SDK1: variants seen among roughly 807,000 people sequenced by gnomAD.
SDK1 encodes the protein protein sidekick-1.
Under a neutral mutation model 245.5 loss-of-function variants are expected in SDK1, and 157 were observed. That is an observed-to-expected ratio of 0.64 (90% CI 0.56 to 0.73). The LOEUF is 0.73. SDK1 is among the 30% of genes least tolerant of loss of function. The probability of loss-of-function intolerance (pLI) is 0.00; values close to 1 mark genes in which losing one functional copy is unlikely to be tolerated. For missense variants in SDK1, 3,583 were observed against 3,002.3 expected (o/e 1.19, Z -4.52); for synonymous variants, 1,647 against 1,278.5 (o/e 1.29, Z -6.15).
intron 1 of SDK1, among the ~76,000 whole-genome samples, chr7:3,525,395 G>A (rs1288518467): frequency 2.0e-5 from 3 of 152,072 alleles, no homozygotes; most frequent in Admixed American, 1.3e-4. Context: ...TGCTCCTGGG[G>A]TTGTTTGACT....
intron 20 of SDK1, among the ~76,000 whole-genome samples, chr7:4,074,884 C>CTCTCTCTGTGTG (rs1377225405): frequency 1.6e-5 from 1 of 62,460 alleles, no homozygotes; most frequent in African/African-American, 1.2e-4. Flanking sequence ...CTCTCTCTCT[C>CTCTCTCTGTGTG]TGTATATATA....
intron 1 of SDK1, among the ~76,000 whole-genome samples, chr7:3,541,369 G>C (rs867565921): frequency 4.6e-5 from 7 of 152,308 alleles, no homozygotes; most frequent in Middle Eastern, 3.4e-3. Context: ...AGAGGAGGGC[G>C]TAATCTAAGC....
At chr7:3,517,748 G>A (rs1782798691) in intron 1 of SDK1, among the ~76,000 whole-genome samples, 1 of 152,122 alleles carries the variant, frequency 6.6e-6, no homozygotes, top group African/African-American at 2.4e-5. Context: ...ATTGCCACTA[G>A]TGCTTCCTTT....
At chr7:4,162,995 C>G (rs1002192350) in intron 32 of SDK1, among the ~76,000 whole-genome samples, 1 of 152,196 alleles carries the variant, frequency 6.6e-6, no homozygotes, top group African/African-American at 2.4e-5. Flanking sequence ...GCCTGTGTAG[C>G]CCGGATCCGG....
intron 1 of SDK1, among the ~76,000 whole-genome samples, chr7:3,500,795 C>G (rs1179960295): frequency 3.3e-5 from 5 of 151,836 alleles, no homozygotes; most frequent in Admixed American, 2.0e-4. Context: ...GCCTCCTATA[C>G]TAGTCCTCTG....
intron 4 of SDK1, among the ~76,000 whole-genome samples, chr7:3,765,993 T>C (rs1275838128): frequency 6.6e-6 from 1 of 152,216 alleles, no homozygotes; most frequent in East Asian, 1.9e-4. Flanking sequence ...AACATTGTAA[T>C]ACAAAGAATT....
At chr7:3,629,953 G>A (rs573585963) in intron 2 of SDK1, among the ~76,000 whole-genome samples, 19 of 152,220 alleles carry the variant, frequency 1.2e-4, no homozygotes, top group African/African-American at 4.6e-4. Flanking sequence ...ACACAAAAAA[G>A]GCAGAAATCT....
chr7:3,354,825 A>G (rs1014546741), intron 1 of SDK1, among the ~76,000 whole-genome samples: 1 of 152,266 alleles, frequency 6.6e-6, no homozygotes, highest in Admixed American at 6.5e-5. Context: ...TGAAAACAGA[A>G]TGAAGCAGCT....
chr7:4,265,399 C>T lies in SDK1; in HGVS notation c.*15C>T. On this transcript the variant is annotated 3_prime_UTR_variant, in exon 45 of 45. Coordinates refer to ENST00000404826, the MANE Select transcript of SDK1 (RefSeq NM_152744.4). The stretch of plus-strand genomic sequence containing the variant: ...CCTTCGTGTGAGCAAAGCGCCGCGC[C>T]TCCCTCAGGGCGGAACGGAGGCAAC... The T allele has an allele frequency of 5.6e-6, 8 of 1,423,436 alleles. No homozygotes were observed. Among genetic ancestry groups the T allele is most frequent in the Non-Finnish European group, 7.3e-6 (8 of 1,099,020 alleles). 88.2% of individuals were successfully genotyped at this position (1,423,436 alleles called of 1,614,324 possible).
At chr7:4,096,701 C>T (rs1782169707) in intron 22 of SDK1, among the ~76,000 whole-genome samples, 1 of 152,020 alleles carries the variant, frequency 6.6e-6, no homozygotes, top group African/African-American at 2.4e-5. Flanking sequence ...CCTCCTTCCC[C>T]AGAGGGAGGC....
At chr7:4,162,697 G>T (rs191360313) in intron 32 of SDK1, among the ~76,000 whole-genome samples, 72 of 152,250 alleles carry the variant, frequency 4.7e-4, no homozygotes, top group African/African-American at 1.6e-3. Flanking sequence ...ACTGTGCCCA[G>T]CCAAGTCTAG....
intron 5 of SDK1, among the ~76,000 whole-genome samples, chr7:3,829,067 G>A (rs191742227): frequency 1.2e-4 from 18 of 152,202 alleles, no homozygotes; most frequent in Middle Eastern, 3.4e-3. Context: ...ATGTTTAGAC[G>A]TGCTTATCAA....
intron 4 of SDK1, among the ~76,000 whole-genome samples, chr7:3,775,225 G>C (rs1014815738): frequency 5.9e-5 from 9 of 152,138 alleles, no homozygotes; most frequent in Admixed American, 4.6e-4. Context: ...TGGTTTTTGA[G>C]CTCCTAATAG....
rs138702445 is a variant in SDK1 at position 3,395,883 on chromosome 7, G to C, written c.298+93999G>C. Among the ~76,000 whole-genome samples the C allele has an allele frequency of 8.5e-3, 1,285 of 151,114 alleles. 17 individuals carry two copies. Among genetic ancestry groups the C allele is most frequent in the African/African-American group, 0.03 (1,218 of 41,282 alleles). On this transcript the variant is annotated intron_variant, in intron 1 of 44. Coordinates refer to ENST00000404826, the MANE Select transcript of SDK1 (RefSeq NM_152744.4). ...TTTCTTTCTCTCTCTCTTTGCCAAG[G>C]GTTTGCCAATTTTGTTTTTAAAGAA... is the stretch of plus-strand genomic sequence containing the variant.
chr7:3,321,699 C>T (rs1779807019), intron 1 of SDK1, among the ~76,000 whole-genome samples: 2 of 84,926 alleles, frequency 2.4e-5, no homozygotes, highest in Admixed American at 1.0e-4. Context: ...TCCTTCTCCT[C>T]CTCCTCCTCC....
intron 1 of SDK1, among the ~76,000 whole-genome samples, chr7:3,439,513 A>C (rs1477086358): frequency 6.6e-6 from 1 of 152,198 alleles, no homozygotes; most frequent in East Asian, 1.9e-4. Flanking sequence ...CAAGAAGCAT[A>C]AGCTAAATCC....
chr7:3,485,683 GTTTTT>G lies in SDK1; in HGVS notation c.299-133379_299-133375del, dbSNP rs71552309. On this transcript the variant is annotated intron_variant, in intron 1 of 44. Coordinates refer to ENST00000404826, the MANE Select transcript of SDK1 (RefSeq NM_152744.4). The stretch of plus-strand genomic sequence containing the variant: ...GTGCTGAGGGGATGATCTTTGGAGG[GTTTTT>G]TTTTTTTTTTTTTTTTTGAGCCATC... Among the ~76,000 whole-genome samples, 230 of 38,194 alleles carry G rather than the reference GTTTTT, an allele frequency of 6.0e-3. 2 individuals carry two copies. The highest frequency in any genetic ancestry group is 0.022 in the African/African-American group (210 of 9,460). 25.1% of individuals were successfully genotyped at this position (38,194 alleles called of 152,430 possible). A position where few individuals can be genotyped will look rare whatever the true frequency, so the allele number is the denominator to read the frequency against.
At chr7:3,759,739 A>G (rs1293309666) in intron 4 of SDK1, among the ~76,000 whole-genome samples, 2 of 151,860 alleles carry the variant, frequency 1.3e-5, no homozygotes, top group African/African-American at 4.8e-5. Context: ...CTACAGGGGC[A>G]TGCCACCATG....
At chr7:3,687,049 G>A (rs1455207388) in intron 4 of SDK1, among the ~76,000 whole-genome samples, 2 of 101,688 alleles carry the variant, frequency 2.0e-5, no homozygotes, top group African/African-American at 1.2e-4. Context: ...GGTTGGGATA[G>A]CATCAAAACA....
Sources: allele counts gnomAD v4.1 joint callset (sites outside exome capture counted in the v4.1 genomes callset), GRCh38; gene constraint gnomAD v4.1.1; transcripts MANE v1.5; gene names NCBI Gene and HGNC (gene_info 2026-07-23, HGNC 2026-07-21).